KLHL29: variants seen among roughly 807,000 people sequenced by gnomAD.
KLHL29 encodes kelch like family member 29.
A neutral mutation model predicts 80.4 loss-of-function variants in KLHL29; 21 were observed. The ratio of observed to expected loss-of-function variants is 0.26; its 90% CI spans 0.19 to 0.38. The LOEUF (loss-of-function observed/expected upper bound fraction) is 0.38. Among genes scored for constraint, KLHL29 ranks in the 10% least tolerant of loss-of-function variants. The pLI is 1.00. For synonymous variants in KLHL29, 511 were observed against 526.8 expected, an observed-to-expected ratio of 0.97 and a Z score of 0.41; for missense variants, 867 against 1,223.9, an observed-to-expected ratio of 0.71 and a Z score of 4.35.
chr2:23,492,693 G>A (rs1665139152), intron 2 of KLHL29, among the ~76,000 whole-genome samples: 1 of 152,198 alleles, frequency 6.6e-6, no homozygotes, highest in Non-Finnish European at 1.5e-5. Flanking sequence ...TTTTTCTGAG[G>A]CTCTGTGCAA....
At chr2:23,543,952 C>G (rs1266185641) in intron 2 of KLHL29, among the ~76,000 whole-genome samples, 1 of 152,212 alleles carries the variant, frequency 6.6e-6, no homozygotes, top group African/African-American at 2.4e-5. Context: ...CTCCAGGGCT[C>G]TGGGTCGGGG....
At position 23,706,941 on chromosome 2, in the gene KLHL29, A is replaced by G; in HGVS notation, c.*277A>G. The G allele has an allele frequency of 3.1e-6, 1 of 323,344 alleles. No individual in the cohort carries two copies. The highest frequency in any genetic ancestry group is 5.6e-6 in the Non-Finnish European group (1 of 178,692). 20.0% of individuals were successfully genotyped at this position (323,344 alleles called of 1,614,324 possible). A position where few individuals can be genotyped will look rare whatever the true frequency, so the allele number is the denominator to read the frequency against. On this transcript the variant is annotated 3_prime_UTR_variant, in exon 14 of 14. Coordinates refer to ENST00000486442, the MANE Select transcript of KLHL29 (RefSeq NM_052920.2). ...GCGCTCGCTCTGCCAGGTGCAATAG[A>G]GTTTCACGTATTTTTCAACTGGGAG...
intron 5 of KLHL29, chr2:23,667,203 CAT>C (rs749368771): frequency 5.9e-5 from 9 of 152,236 alleles, no homozygotes; most frequent in Admixed American, 3.3e-4. Flanking sequence ...TTTGCATAAA[CAT>C]ATGTATGGAA....
At chr2:23,464,678 C>G (rs1222769943) in intron 1 of KLHL29, among the ~76,000 whole-genome samples, 1 of 152,218 alleles carries the variant, frequency 6.6e-6, no homozygotes, top group Non-Finnish European at 1.5e-5. Flanking sequence ...CCAGGGGCCT[C>G]TCTGGATCCT....
chr2:23,517,420 G>A (rs1318034158), intron 2 of KLHL29, among the ~76,000 whole-genome samples: 1 of 152,200 alleles, frequency 6.6e-6, no homozygotes, highest in East Asian at 1.9e-4. Flanking sequence ...GCACGCACCT[G>A]TAGTCCCGGT....
At chr2:23,473,520 T>C (rs1664553227) in intron 1 of KLHL29, among the ~76,000 whole-genome samples, 1 of 152,034 alleles carries the variant, frequency 6.6e-6, no homozygotes, top group Non-Finnish European at 1.5e-5. Flanking sequence ...TTGTCTCCCC[T>C]AGAGGTAGGG....
chr2:23,611,013 C>G (rs1000667142), intron 3 of KLHL29, among the ~76,000 whole-genome samples: 3 of 152,020 alleles, frequency 2.0e-5, no homozygotes, highest in Admixed American at 1.3e-4. Context: ...GAATAAGTAA[C>G]AAAAATATCT....
intron 1 of KLHL29, among the ~76,000 whole-genome samples, chr2:23,431,930 A>G (rs1269087639): frequency 6.6e-6 from 1 of 151,834 alleles, no homozygotes; most frequent in Non-Finnish European, 1.5e-5. Context: ...AAAGCAGTGA[A>G]AACACATGTT....
intron 1 of KLHL29, among the ~76,000 whole-genome samples, chr2:23,436,160 G>T (rs1305975682): frequency 6.6e-6 from 1 of 152,086 alleles, no homozygotes; most frequent in African/African-American, 2.4e-5. Context: ...TGAGCTTTCA[G>T]TGCATGGGGA....
intron 1 of KLHL29, among the ~76,000 whole-genome samples, chr2:23,405,675 C>T (rs575571936): frequency 2.0e-5 from 3 of 152,284 alleles, no homozygotes; most frequent in Admixed American, 6.5e-5. Context: ...ACACAAGACT[C>T]GAGCAGGAGA....
intron 13 of KLHL29, among the ~76,000 whole-genome samples, chr2:23,706,140 C>A (rs568584001): frequency 5.3e-5 from 8 of 152,302 alleles, no homozygotes; most frequent in African/African-American, 1.2e-4. Flanking sequence ...AGGAAGGCTG[C>A]GTGTGCCACA....
chr2:23,623,603 G>A (rs542438), intron 3 of KLHL29, among the ~76,000 whole-genome samples: 38,252 of 152,058 alleles, frequency 0.25, 5,006 homozygotes, highest in Middle Eastern at 0.42. Flanking sequence ...GGGGCCAGCC[G>A]AGGGGTGTCT....
intron 3 of KLHL29, among the ~76,000 whole-genome samples, chr2:23,582,549 G>A (rs1668013189): frequency 6.6e-6 from 1 of 152,172 alleles, no homozygotes; most frequent in Admixed American, 6.5e-5. Flanking sequence ...TGCCCCTCCA[G>A]GAACTTCACA....
At chr2:23,487,941 AT>A (rs1346955767) in intron 2 of KLHL29, among the ~76,000 whole-genome samples, 1 of 152,152 alleles carries the variant, frequency 6.6e-6, no homozygotes, top group Non-Finnish European at 1.5e-5. Flanking sequence ...GTGCATGCTC[AT>A]TCCTCAATAA....
At chr2:23,479,401 A>G (rs1322159992) in intron 2 of KLHL29, among the ~76,000 whole-genome samples, 1 of 151,636 alleles carries the variant, frequency 6.6e-6, no homozygotes, top group East Asian at 1.9e-4. Flanking sequence ...TGCGCTGTCC[A>G]CCTCGGTGTC....
Position 23,521,274 on chromosome 2 carries a change from C to G in KLHL29, c.-45-40878C>G, listed in dbSNP as rs114828285. ...CAGGGAAGGCTGTGGCCCAAGCCCT[C>G]CTAGCCAGCTCTGCCTGCAGGAGGA... is the stretch of plus-strand genomic sequence containing the variant. On this transcript the variant is annotated intron_variant, in intron 2 of 13. Transcript: ENST00000486442. Among the ~76,000 whole-genome samples, 825 of 152,244 alleles carry G rather than the reference C, an allele frequency of 5.4e-3. 12 individuals carry two copies. Among genetic ancestry groups the G allele is most frequent in the African/African-American group, 0.019 (780 of 41,560 alleles).
intron 3 of KLHL29, among the ~76,000 whole-genome samples, chr2:23,577,373 C>G (rs944657723): frequency 6.6e-6 from 1 of 152,156 alleles, no homozygotes; most frequent in Non-Finnish European, 1.5e-5. Context: ...ATCGCCTGAA[C>G]CCAGGAGGCG....
chr2:23,572,700 C>CTTTTTT (rs67663284), intron 3 of KLHL29, among the ~76,000 whole-genome samples: 4 of 136,860 alleles, frequency 2.9e-5, no homozygotes, highest in South Asian at 2.4e-4. Context: ...ACAGTGATTT[C>CTTTTTT]TTTTTTTTTT....
intron 5 of KLHL29, among the ~76,000 whole-genome samples, chr2:23,670,952 CTCTCTCTCTCTCTCTCTCTCTCTCTCT>C: frequency 5.1e-5 from 1 of 19,576 alleles, no homozygotes; most frequent in South Asian, 3.4e-3. Context: ...CTCTCTCTCT[CTCTCTCTCTCTCTCTCTCTCTCTCTCT>C]CCCTCCCTCC....
Sources: gnomAD v4.1 joint callset for allele counts (sites outside exome capture counted in the v4.1 genomes callset) on GRCh38, gnomAD v4.1.1 for gene constraint, MANE v1.5 for transcripts, NCBI Gene and HGNC (gene_info 2026-07-23, HGNC 2026-07-21) for gene names.